The following MACO1 variants were observed in gnomAD, a reference collection of about 807,000 sequenced individuals.
MACO1 encodes the protein macoilin 1.
MACO1 carries 14 observed loss-of-function variants against 78.7 expected under a neutral mutation model. The ratio of observed to expected loss-of-function variants is 0.18; its 90% CI spans 0.12 to 0.28. MACO1 has a LOEUF of 0.28. MACO1 is among the 10% of genes least tolerant of loss of function. The pLI is 1.00. For synonymous variants in MACO1, 288 were observed against 291.6 expected, an observed-to-expected ratio of 0.99 and a Z score of 0.12; for missense variants, 501 against 799.0, an observed-to-expected ratio of 0.63 and a Z score of 4.50.
chr1:25,484,462 A>G (rs1230016923), intron 7 of MACO1, among the ~76,000 whole-genome samples, 188 bp downstream of exon 7: 1 of 152,206 alleles, frequency 6.6e-6, no homozygotes, highest in Admixed American at 6.5e-5. Flanking sequence ...AACTTATTTC[A>G]TTGCCACAAA....
Position 25,491,506 on chromosome 1 carries a change from T to C in MACO1, c.1714T>C (p.Leu572=). The C allele has an allele frequency of 6.2e-7, 1 of 1,614,234 alleles. No homozygotes were observed. The highest frequency in any genetic ancestry group is 8.5e-7 in the Non-Finnish European group (1 of 1,180,040). ...QDKTQHLENS[L]SAETRIKLDL... is the part of the protein sequence containing the mutation. Reference sequence around the variant, plus strand: ...CAAAACACAGCACCTGGAGAACAGCTTAAGTGCAGAGACGAGAATCAAGCT... The same window carrying C: ...CAAAACACAGCACCTGGAGAACAGCCTAAGTGCAGAGACGAGAATCAAGCT... Residue 572 remains leucine (L), a synonymous_variant, in exon 10 of 11, where the codon TTA becomes CTA. Transcript: ENST00000374343.
At chr1:25,474,629 T>G (rs2043303756) in intron 6 of MACO1, among the ~76,000 whole-genome samples, 1 of 152,214 alleles carries the variant, frequency 6.6e-6, no homozygotes, top group African/African-American at 2.4e-5. Flanking sequence ...GGGGACAGCC[T>G]TGTGATAAGG....
In MACO1 at chr1:25,491,546, C is replaced by A; in HGVS notation, c.1754C>A (p.Ala585Glu). Residue 585 changes from alanine (A) to glutamate (E), a missense_variant, in exon 10 of 11, where the codon GCA (alanine) becomes GAA (glutamate). By Grantham distance (107) the Ala-to-Glu change is moderately radical. Around this residue, in one of 5 missense-constraint regions of MACO1, gnomAD observed 66 missense variants for 101.6 expected, o/e 0.65. Transcript: ENST00000374343. The part of the protein sequence containing the change: ...ETRIKLDLFS[A>E]LGDAKRQLEI... ...AGAATCAAGCTGGACCTGTTCTCCG[C>A]ACTGGGCGATGCAAAGCGGCAGCTC... 1 of 1,614,216 alleles carries A rather than the reference C, an allele frequency of 6.2e-7. No homozygotes were observed. The highest frequency in any genetic ancestry group is 8.5e-7 in the Non-Finnish European group (1 of 1,180,042).
chr1:25,432,686 A>G (rs1180079341), intron 1 of MACO1, among the ~76,000 whole-genome samples: 1 of 152,234 alleles, frequency 6.6e-6, no homozygotes, highest in African/African-American at 2.4e-5. Flanking sequence ...AAAATATTTG[A>G]CCAACTTAAC....
chr1:25,448,928 C>A lies in MACO1; in HGVS notation c.343C>A (p.His115Asn). The change falls in exon 3 of 11, where the codon CAC becomes AAC. Residue 115 changes from histidine to asparagine, a missense_variant. This residue lies in a region of MACO1 where 171 missense variants were observed against 292.1 expected (regional missense o/e 0.59). Transcript: ENST00000374343. ...STYVWVQYVW[H>N]TERGVCLPTV... ...ATATGTATGGGTTCAGTACGTATGG[C>A]ACACAGGTAAGTCTTAATGATTTCT... 6.8e-7 allele frequency: 1 copy of A among 1,469,224 alleles called. No individual in the cohort carries two copies. Among genetic ancestry groups the A allele is most frequent in the Non-Finnish European group, 9.2e-7 (1 of 1,089,762 alleles). The allele number at this position is 1,469,224 out of a possible 1,614,324, so 91.0% of individuals were successfully genotyped here.
intron 1 of MACO1, among the ~76,000 whole-genome samples, chr1:25,439,298 A>T (rs1401029355): frequency 6.6e-6 from 1 of 152,060 alleles, no homozygotes; most frequent in African/African-American, 2.4e-5. Context: ...TGGGAGGCTG[A>T]GGTGGGAGGA....
intron 6 of MACO1, among the ~76,000 whole-genome samples, chr1:25,482,517 A>G (rs1557674101): frequency 6.6e-6 from 1 of 152,050 alleles, no homozygotes; most frequent in Non-Finnish European, 1.5e-5. Flanking sequence ...CCTGCCTTTG[A>G]GTTTTTTAAT....
intron 6 of MACO1, among the ~76,000 whole-genome samples, chr1:25,460,695 C>G (rs72887454): frequency 2.0e-5 from 3 of 152,120 alleles, no homozygotes; most frequent in Non-Finnish European, 4.4e-5. Flanking sequence ...ACTATCTGAT[C>G]TGCTTTTAGT....
chr1:25,455,873 A>G (rs920570849), intron 4 of MACO1, among the ~76,000 whole-genome samples: 3 of 152,114 alleles, frequency 2.0e-5, no homozygotes, highest in African/African-American at 7.2e-5. Context: ...CCTGCCTTCT[A>G]GTATTGAAAA....
At chr1:25,456,414 G>A (rs2043121356) in intron 4 of MACO1, among the ~76,000 whole-genome samples, 2 of 152,246 alleles carry the variant, frequency 1.3e-5, no homozygotes, top group Admixed American at 6.5e-5. Context: ...CTAATGGGAA[G>A]TGTCGTCTTA....
intron 5 of MACO1, among the ~76,000 whole-genome samples, chr1:25,457,925 A>G (rs2043135248): frequency 6.6e-6 from 1 of 152,232 alleles, no homozygotes; most frequent in Admixed American, 6.5e-5. Flanking sequence ...CCTGTATCCT[A>G]AAATTATTCC....
At chr1:25,465,629 T>G (rs1159351024) in intron 6 of MACO1, among the ~76,000 whole-genome samples, 1 of 152,258 alleles carries the variant, frequency 6.6e-6, no homozygotes, top group Non-Finnish European at 1.5e-5. Flanking sequence ...AGCCCACTTT[T>G]AAAATTTGTA....
At chr1:25,493,881 G>A (rs940878167) in intron 10 of MACO1, among the ~76,000 whole-genome samples, 1 of 151,786 alleles carries the variant, frequency 6.6e-6, no homozygotes, top group South Asian at 2.1e-4. Context: ...TACGGCGCCC[G>A]CCACCACACC....
At chr1:25,465,793 G>A (rs1388789867) in intron 6 of MACO1, among the ~76,000 whole-genome samples, 1 of 152,070 alleles carries the variant, frequency 6.6e-6, no homozygotes, top group South Asian at 2.1e-4. Context: ...AGTCTGCATT[G>A]TCTATCATTC....
rs1014022128 is a variant in MACO1 at position 25,491,086 on chromosome 1, G to T, written c.1618-324G>T. On this transcript the variant is annotated intron_variant, in intron 9 of 10. Transcript: ENST00000374343. ...TTGGCAAGTTCGATTACAGCATTAT[G>T]ATAATTTGCACGTGGCCAGCAAGGA... Among the ~76,000 whole-genome samples the T allele has an allele frequency of 2.0e-5, 3 of 152,168 alleles. 1 individual carries two copies. Among genetic ancestry groups the T allele is most frequent in the Non-Finnish European group, 4.4e-5 (3 of 68,042 alleles).
intron 1 of MACO1, among the ~76,000 whole-genome samples, chr1:25,431,512 TG>T (rs1203221344): frequency 6.6e-6 from 1 of 151,374 alleles, no homozygotes; most frequent in Admixed American, 6.6e-5. Context: ...GCCATGCCGC[TG>T]GGCCGGGAGG....
At chr1:25,459,230 G>C (rs1428482948) in intron 6 of MACO1, among the ~76,000 whole-genome samples, 4 of 151,582 alleles carry the variant, frequency 2.6e-5, no homozygotes, top group Non-Finnish European at 5.9e-5. Flanking sequence ...AACACAAAAA[G>C]AAGAGTTTGT....
At chr1:25,493,339 A>C (rs2043503697) in intron 10 of MACO1, among the ~76,000 whole-genome samples, 1 of 151,430 alleles carries the variant, frequency 6.6e-6, no homozygotes. Flanking sequence ...TCTGGGTTCA[A>C]GTGATCCTCC....
chr1:25,432,050 C>T (rs1303105379), intron 1 of MACO1, among the ~76,000 whole-genome samples: 1 of 152,082 alleles, frequency 6.6e-6, no homozygotes. Flanking sequence ...TTGTGTACGA[C>T]TGTTATTTTC....
Sources: gnomAD v4.1 joint callset for allele counts (sites outside exome capture counted in the v4.1 genomes callset) on GRCh38, gnomAD v4.1.1 for gene constraint, gnomAD v4.1.1 regional missense constraint, MANE v1.5 for transcripts, NCBI Gene and HGNC (gene_info 2026-07-23, HGNC 2026-07-21) for gene names.